C11orf65: variants seen among roughly 807,000 people sequenced by gnomAD.
The protein encoded by C11orf65 is protein MFI.
Under a neutral mutation model 35.3 loss-of-function variants are expected in C11orf65, and 38 were observed. The ratio of observed to expected loss-of-function variants is 1.08; its 90% CI spans 0.83 to 1.41. C11orf65 has a LOEUF of 1.41. Among genes scored for constraint, C11orf65 ranks in the 40% most tolerant of loss-of-function variants. The pLI is 0.00. For synonymous variants in C11orf65, 105 were observed against 114.4 expected, an observed-to-expected ratio of 0.92 and a Z score of 0.53; for missense variants, 370 against 367.1, an observed-to-expected ratio of 1.01 and a Z score of -0.06.
At chr11:108,448,946 C>T (rs1339299992) in intron 2 of C11orf65, among the ~76,000 whole-genome samples, 3 of 152,126 alleles carry the variant, frequency 2.0e-5, no homozygotes, top group African/African-American at 2.4e-5. Flanking sequence ...TCTCAGGATA[C>T]AAAATCAATG....
chr11:108,392,209 G>C (rs1050231969), intron 7 of C11orf65, among the ~76,000 whole-genome samples: 4 of 151,918 alleles, frequency 2.6e-5, no homozygotes, highest in African/African-American at 9.7e-5. Flanking sequence ...AGCAGGCCTG[G>C]GATAATTATT....
intron 6 of C11orf65, among the ~76,000 whole-genome samples, chr11:108,403,241 T>G (rs1209721475): frequency 6.6e-6 from 1 of 152,194 alleles, no homozygotes; most frequent in Non-Finnish European, 1.5e-5. Context: ...ACTATTTCAG[T>G]CATTCTAGTG....
chr11:108,311,175 A>G (rs567079229), intron 6 of C11orf65, among the ~76,000 whole-genome samples: 81 of 152,108 alleles, frequency 5.3e-4, no homozygotes, highest in South Asian at 1.0e-3. Context: ...AGATCTTGCT[A>G]TGTTGCTCAG....
chr11:108,385,237 A>G (rs1263612701), intron 8 of C11orf65, among the ~76,000 whole-genome samples: 1 of 152,042 alleles, frequency 6.6e-6, no homozygotes, highest in East Asian at 1.9e-4. Context: ...ATGCACAGCT[A>G]ATTTTTGTAT....
rs563894933 is a variant in C11orf65 at position 108,460,156 on chromosome 11, GC to G, written c.81+1322del. Among the ~76,000 whole-genome samples the G allele has an allele frequency of 1.5e-4, 23 of 152,222 alleles. No homozygotes were observed. The East Asian group carries it at 4.4e-3, about 29-fold the overall frequency. On this transcript the variant is annotated intron_variant, in intron 2 of 8. Transcript: ENST00000393084. The stretch of plus-strand genomic sequence containing the variant: ...TAGAAATCAACATAGTTATACCCCA[GC>G]ATAGGTTTTATGGCCTTGGTAGAGG...
At chr11:108,329,557 G>A (rs571231870), downstream of C11orf65, among the ~76,000 whole-genome samples, 2 of 152,040 alleles carry the variant, frequency 1.3e-5, no homozygotes, top group Non-Finnish European at 2.9e-5. Context: ...GGGGCTACAG[G>A]TGCACGCCAT....
At chr11:108,412,724 G>A (rs1234169486) in intron 3 of C11orf65, among the ~76,000 whole-genome samples, 1 of 152,052 alleles carries the variant, frequency 6.6e-6, no homozygotes, top group Non-Finnish European at 1.5e-5. Flanking sequence ...ACAACAGAGT[G>A]AGGCTTTATC....
chr11:108,375,290 GCAGAAACCCTA>G (rs201372009), intron 2 of C11orf65, among the ~76,000 whole-genome samples: 3,150 of 152,018 alleles, frequency 0.021, 108 homozygotes, highest in African/African-American at 0.071. Context: ...GCGGATCTTG[GCAGAAACCCTA>G]CAAGCCAGAA....
intron 2 of C11orf65, chr11:108,366,190 CT>C (rs1352887931): frequency 1.0e-5 from 2 of 194,982 alleles, no homozygotes; most frequent in African/African-American, 4.6e-5. Context: ...ATTCTATTCT[CT>C]TTATCTTTTA....
At chr11:108,365,669 A>C (rs1289103193) in intron 2 of C11orf65, 1 of 898,054 alleles carries the variant, frequency 1.1e-6, no homozygotes, top group Non-Finnish European at 1.7e-6. Flanking sequence ...TCACCACTCA[A>C]AAATGTTTTG....
intron 2 of C11orf65, among the ~76,000 whole-genome samples, chr11:108,345,365 A>G (rs2088197517): frequency 6.6e-6 from 1 of 152,148 alleles, no homozygotes; most frequent in Admixed American, 6.6e-5. Context: ...TCTATGAGGG[A>G]TTCTTCTGTT....
At chr11:108,328,347 A>C (rs1332681471), downstream of C11orf65, among the ~76,000 whole-genome samples, 1 of 152,130 alleles carries the variant, frequency 6.6e-6, no homozygotes, top group Non-Finnish European at 1.5e-5. Flanking sequence ...CCTGGGTTCA[A>C]GCGATTCTCC....
intron 2 of C11orf65, among the ~76,000 whole-genome samples, chr11:108,370,267 A>G (rs571082134): frequency 6.6e-6 from 1 of 152,080 alleles, no homozygotes; most frequent in East Asian, 1.9e-4. Context: ...TAGTTTTTAC[A>G]TATTGATTTT....
downstream of C11orf65, chr11:108,331,358 A>G: frequency 6.6e-7 from 1 of 1,524,992 alleles, no homozygotes; most frequent in Non-Finnish European, 8.8e-7. Context: ...ATAGAGGAGC[A>G]CTGTCTTAAA....
At chr11:108,393,487 T>A (rs889923964) in intron 6 of C11orf65, 109 bp from the exon 7 acceptor site, 1 of 1,039,810 alleles carries the variant, frequency 9.6e-7, no homozygotes, top group Non-Finnish European at 1.4e-6. Flanking sequence ...ATTTGCATAT[T>A]GAATAAAGTT....
At chr11:108,371,679 T>C (rs1314772057) in intron 2 of C11orf65, among the ~76,000 whole-genome samples, 2 of 152,240 alleles carry the variant, frequency 1.3e-5, no homozygotes, top group East Asian at 1.9e-4. Flanking sequence ...CCTTTGACTA[T>C]TGTGAATATT....
intron 2 of C11orf65, among the ~76,000 whole-genome samples, chr11:108,360,632 C>T (rs1204431127): frequency 2.7e-5 from 4 of 150,114 alleles, no homozygotes; most frequent in South Asian, 4.3e-4. Flanking sequence ...GGATTCAAGG[C>T]TGGTTCAATA....
At chr11:108,397,863 G>A (rs926590152) in intron 6 of C11orf65, among the ~76,000 whole-genome samples, 12 of 152,314 alleles carry the variant, frequency 7.9e-5, no homozygotes, top group African/African-American at 2.6e-4. Flanking sequence ...ATAGAACAGA[G>A]TCTCTGCTCT....
intron 6 of C11orf65, among the ~76,000 whole-genome samples, chr11:108,313,843 A>G (rs1232212548): frequency 6.6e-6 from 1 of 152,038 alleles, no homozygotes; most frequent in Non-Finnish European, 1.5e-5. Context: ...TGCTTGATCA[A>G]TTTTCTATGC....
Sources: gnomAD v4.1 joint callset for allele counts (sites outside exome capture counted in the v4.1 genomes callset) on GRCh38, gnomAD v4.1.1 for gene constraint, MANE v1.5 for transcripts, NCBI Gene and HGNC (gene_info 2026-07-23, HGNC 2026-07-21) for gene names.